OPN5: variants seen among roughly 807,000 people sequenced by gnomAD.
OPN5 encodes opsin-5.
OPN5 carries 18 observed loss-of-function variants against 41.7 expected under a neutral mutation model. The ratio of observed to expected loss-of-function variants is 0.43; its 90% CI spans 0.30 to 0.64. The LOEUF (loss-of-function observed/expected upper bound fraction) is 0.64, where lower values mean the gene tolerates loss of function less well. OPN5 is among the 30% of genes least tolerant of loss of function. The probability of loss-of-function intolerance (pLI) is 0.13; values close to 1 mark genes in which losing one functional copy is unlikely to be tolerated. For missense variants in OPN5, 318 were observed against 434.5 expected, an observed-to-expected ratio of 0.73 and a Z score of 2.38; for synonymous variants, 178 against 164.3, an observed-to-expected ratio of 1.08 and a Z score of -0.64.
chr6:47,795,533 C>A (rs1268212273), exon 4 of OPN5: 1 of 1,613,496 alleles, frequency 6.2e-7, no homozygotes, highest in Non-Finnish European at 8.5e-7. Context: ...GGATCCATAG[C>A]AGCCATGTGC....
chr6:47,805,286 G>T (rs1450600018), intron 4 of OPN5, among the ~76,000 whole-genome samples: 1 of 152,186 alleles, frequency 6.6e-6, no homozygotes, highest in East Asian at 1.9e-4. Context: ...CAGTTTAACT[G>T]CTAAGCATAG....
exon 3 of OPN5, chr6:47,791,938 G>A: frequency 6.2e-7 from 1 of 1,613,844 alleles, no homozygotes; most frequent in Non-Finnish European, 8.5e-7. Context: ...CTGTCAGCCT[G>A]GATCGATATT....
At position 47,811,919 on chromosome 6, in the gene OPN5, C is replaced by T. The variant is rs548309076; in HGVS notation, c.1056+188C>T. On this transcript the variant is annotated intron_variant, in intron 6 of 6. Coordinates refer to ENST00000371211, the Ensembl canonical transcript of OPN5. ...TAAATGGAAACTAGATTACAGGATA[C>T]TAATTTAAGGAATATTATCAGGATG... is the stretch of plus-strand genomic sequence containing the variant. 9.4e-6 allele frequency: 4 copies of T among 426,082 alleles called. No individual in the cohort carries two copies. In the South Asian group the frequency reaches 1.6e-4, roughly 17 times the overall value. The allele number at this position is 426,082 out of a possible 1,614,324, so 26.4% of individuals were successfully genotyped here.
At chr6:47,819,354 A>T (rs1754846) in intron 6 of OPN5, among the ~76,000 whole-genome samples, 863 of 57,514 alleles carry the variant, frequency 0.015, 62 homozygotes, top group South Asian at 0.038. Flanking sequence ...TATATATATA[A>T]AAAATATATT....
intron 4 of OPN5, among the ~76,000 whole-genome samples, chr6:47,806,307 C>T (rs758732362): frequency 1.3e-5 from 2 of 152,054 alleles, no homozygotes; most frequent in Non-Finnish European, 2.9e-5. Context: ...AGTTAGTGTA[C>T]GCTTTCTCAA....
At chr6:47,824,163 A>G in exon 7 of OPN5, 1 of 615,236 alleles carries the variant, frequency 1.6e-6, no homozygotes, top group Non-Finnish European at 2.9e-6. Flanking sequence ...CCCTAGGAGT[A>G]TCCAAGTATC....
chr6:47,783,840 T>G (rs984328810), intron 1 of OPN5, among the ~76,000 whole-genome samples: 16 of 152,222 alleles, frequency 1.1e-4, no homozygotes, highest in African/African-American at 3.6e-4. Context: ...CTTGATCAAT[T>G]GTATTTAGCA....
At chr6:47,810,234 G>A (rs1774137991) in intron 5 of OPN5, among the ~76,000 whole-genome samples, 1 of 152,198 alleles carries the variant, frequency 6.6e-6, no homozygotes, top group South Asian at 2.1e-4. Flanking sequence ...TAGAGCTGAA[G>A]CAGTGAGGAG....
chr6:47,798,538 T>C (rs1007859699), intron 4 of OPN5, among the ~76,000 whole-genome samples: 5 of 151,152 alleles, frequency 3.3e-5, no homozygotes, highest in African/African-American at 1.2e-4. Context: ...TACATATATA[T>C]GTATATTCTT....
intron 6 of OPN5, among the ~76,000 whole-genome samples, chr6:47,821,064 C>G (rs1762607107): frequency 6.6e-6 from 1 of 151,970 alleles, no homozygotes; most frequent in African/African-American, 2.4e-5. Flanking sequence ...AGCTTTTATC[C>G]TTATTGTCTT....
At chr6:47,822,674 T>TG (rs1762665297) in intron 6 of OPN5, among the ~76,000 whole-genome samples, 1 of 152,194 alleles carries the variant, frequency 6.6e-6, no homozygotes, top group South Asian at 2.1e-4. Flanking sequence ...ATGAGAGTGT[T>TG]GTGGAGCCTG....
chr6:47,822,239 A>T (rs1240750147), intron 6 of OPN5, among the ~76,000 whole-genome samples: 1 of 152,116 alleles, frequency 6.6e-6, no homozygotes, highest in African/African-American at 2.4e-5. Flanking sequence ...GAGGGCTGTT[A>T]AGGGTCTGAA....
intron 6 of OPN5, 136 bp from the exon 7 acceptor site, chr6:47,823,847 A>T: frequency 1.4e-6 from 1 of 709,508 alleles, no homozygotes; most frequent in Non-Finnish European, 2.6e-6. Flanking sequence ...AAGCCATCTC[A>T]GTGACAATGT....
chr6:47,795,596 C>T (rs144133595), intron 4 of OPN5, 33 bp downstream of exon 4: 22 of 1,467,418 alleles, frequency 1.5e-5, no homozygotes, highest in Non-Finnish European at 2.1e-5. Flanking sequence ...CATGTGTTTT[C>T]TGACTACTTA....
At chr6:47,820,159 GA>G in intron 6 of OPN5, among the ~76,000 whole-genome samples, 1 of 148,080 alleles carries the variant, frequency 6.8e-6, no homozygotes, top group Non-Finnish European at 1.5e-5. Context: ...GAGAGAGAGA[GA>G]GAGAGACTGT....
At chr6:47,788,952 A>G (rs1304233459) in intron 2 of OPN5, among the ~76,000 whole-genome samples, 3 of 152,066 alleles carry the variant, frequency 2.0e-5, no homozygotes, top group Admixed American at 2.0e-4. Context: ...CAGCGATTCT[A>G]AAGTGCAGCC....
downstream of OPN5, chr6:47,825,603 G>A (rs1029417397): frequency 1.4e-4 from 22 of 152,148 alleles, no homozygotes; most frequent in African/African-American, 5.3e-4. Context: ...TTGAATGTTT[G>A]GTGATTCAAG....
chr6:47,783,981 T>C (rs926787437), intron 1 of OPN5, among the ~76,000 whole-genome samples: 1 of 152,138 alleles, frequency 6.6e-6, no homozygotes, highest in Non-Finnish European at 1.5e-5. Flanking sequence ...TGCAGGAGGA[T>C]TGCAACCAGG....
At chr6:47,782,843 T>G (rs896624854) in intron 1 of OPN5, among the ~76,000 whole-genome samples, 2 of 152,192 alleles carry the variant, frequency 1.3e-5, no homozygotes, top group African/African-American at 4.8e-5. Flanking sequence ...TCTCATTCAT[T>G]CAGTAGCCAC....
Sources: gnomAD v4.1 joint callset for allele counts (sites outside exome capture counted in the v4.1 genomes callset) on GRCh38, gnomAD v4.1.1 for gene constraint, MANE v1.5 for transcripts, NCBI Gene and HGNC (gene_info 2026-07-23, HGNC 2026-07-21) for gene names.